ABCA2: variants seen among roughly 807,000 people sequenced by gnomAD.
ABCA2 encodes the protein ATP binding cassette subfamily A member 2, also known as ATP-binding cassette sub-family A member 2.
ABCA2 carries 84 observed loss-of-function variants against 262.8 expected under a neutral mutation model. The observed-to-expected ratio is 0.32, with a 90% CI of 0.27 to 0.38. The LOEUF is 0.38. Among genes scored for constraint, ABCA2 ranks in the 10% least tolerant of loss-of-function variants. The pLI is 1.00. For synonymous variants in ABCA2, 1,696 were observed against 1,502.9 expected (o/e 1.13, Z -2.97); for missense variants, 2,662 against 3,405.9 (o/e 0.78, Z 5.44).
chr9:137,024,090 G>T lies in ABCA2; in HGVS notation c.160+53C>A, dbSNP rs1030088107. On this transcript the variant is annotated intron_variant, in intron 2 of 48. Coordinates refer to ENST00000341511, the MANE Select transcript of ABCA2 (RefSeq NM_001606.5). ...GCAGATGTGCACACACAGCGCAGGC[G>T]TGCGAGGTGCCGCGCTCCCCCGGCT... 27 of 1,557,716 alleles carry T rather than the reference G, an allele frequency of 1.7e-5. No homozygotes were observed. In the South Asian group the frequency reaches 3.2e-4, roughly 19 times the overall value.
chr9:137,010,492 C>G (rs966264724), intron 40 of ABCA2, 121 bp from the exon 41 acceptor site: 3 of 1,447,326 alleles, frequency 2.1e-6, no homozygotes, highest in Non-Finnish European at 2.8e-6. Flanking sequence ...CACAGCCCCA[C>G]CCCATGCAGG....
At chr9:137,014,614 G>A (rs1449319439) in intron 26 of ABCA2, 76 bp downstream of exon 26, 83 of 1,541,250 alleles carry the variant, frequency 5.4e-5, no homozygotes, top group Non-Finnish European at 6.8e-5. Context: ...CCAGACACCA[G>A]GCAGGAGTGA....
At chr9:137,008,348 C>G (rs1291928428) in intron 48 of ABCA2, 68 bp downstream of exon 48, 2 of 1,529,554 alleles carry the variant, frequency 1.3e-6, no homozygotes, top group South Asian at 2.4e-5. Flanking sequence ...CCACCCGCGG[C>G]TGGAGCCACC....
At chr9:137,024,071 G>A in intron 2 of ABCA2, 72 bp downstream of exon 2, 6 of 1,532,346 alleles carry the variant, frequency 3.9e-6, no homozygotes, top group African/African-American at 1.4e-5. Context: ...GTGTGCAGAT[G>A]TGCACACACA....
rs1222285934 is a variant in ABCA2, at chr9:137,020,348, G to A, written c.1413C>T (p.Arg471=). 1.9e-6 allele frequency: 3 copies of A among 1,612,654 alleles called. No individual in the cohort carries two copies. The highest frequency in any genetic ancestry group is 1.1e-5 in the South Asian group (1 of 91,084). ...LYAPAGSEVD[R]VILKANETFA... ...CAGACCCGTGCACCTTGAGGATGAC[G>A]CGGTCGACCTCAGAGCCCGCAGGCG... The change falls in exon 10 of 49, where the codon CGC becomes CGT. Residue 471 remains arginine, a synonymous_variant. Transcript: ENST00000341511.
chr9:137,018,758 G>A lies in ABCA2; in HGVS notation c.1780C>T (p.Leu594Phe). 6.2e-7 allele frequency: 1 copy of A among 1,612,424 alleles called. No homozygotes were observed. The highest frequency in any genetic ancestry group is 8.5e-7 in the Non-Finnish European group (1 of 1,179,852). Reference protein sequence around the residue: ...PDEESIVNYTLNQAYQDNVTV... With the variant: ...PDEESIVNYTFNQAYQDNVTV... Reference sequence around the variant, plus strand: ...ACGTTGTCCTGGTAGGCCTGGTTGAGGGTGTAGTTGACAATGCTCTCCTCG... The same window carrying A: ...ACGTTGTCCTGGTAGGCCTGGTTGAAGGTGTAGTTGACAATGCTCTCCTCG... Residue 594 changes from leucine (L) to phenylalanine (F), a missense_variant, in exon 13 of 49, where the codon CTC becomes TTC. Physicochemically the swap from Leu to Phe is conservative, Grantham distance 22. Around this residue, in one of 12 missense-constraint regions of ABCA2, gnomAD observed 187 missense variants for 205.9 expected, o/e 0.91. Coordinates refer to ENST00000341511, the MANE Select transcript of ABCA2 (RefSeq NM_001606.5).
chr9:137,021,260 G>T lies in ABCA2; in HGVS notation c.897+132C>A. On this transcript the variant is annotated intron_variant, in intron 8 of 48. Coordinates refer to ENST00000341511, the MANE Select transcript of ABCA2 (RefSeq NM_001606.5). The surrounding 1 kb of genome is among the most constrained non-coding windows in gnomAD (Gnocchi z 6.0). ...GTGGGGCACCAGCCATGGTGCCATT[G>T]GATACCCACCCACAGGCAGCATCCC... 1 of 1,317,094 alleles carries T rather than the reference G, an allele frequency of 7.6e-7. No individual in the cohort carries two copies. The highest frequency in any genetic ancestry group is 1.0e-6 in the Non-Finnish European group (1 of 975,604). The allele number at this position is 1,317,094 out of a possible 1,614,324, so 81.6% of individuals were successfully genotyped here.
In ABCA2 at chr9:137,019,330, T is replaced by C. The variant is rs913223581; in HGVS notation, c.1426-24A>G. On this transcript the variant is annotated intron_variant, in intron 10 of 48. Transcript: ENST00000341511. This position sits in a 1 kb window ranked among gnomAD's most constrained non-coding sequence, Gnocchi z 4.4. ...GCCTGCAGGGGGTGAGGCAGGGGCA[T>C]GGAGTTTCTGGACGGACCCCCACCG... is the stretch of plus-strand genomic sequence containing the variant. 4 of 1,610,058 alleles carry C rather than the reference T, an allele frequency of 2.5e-6. No homozygotes were observed. Among genetic ancestry groups the C allele is most frequent in the African/African-American group, 1.3e-5 (1 of 74,762 alleles).
In ABCA2 at chr9:137,018,810, G is replaced by A. The variant is rs756198524; in HGVS notation, c.1728C>T (p.Ser576=). The A allele has an allele frequency of 8.7e-6, 14 of 1,612,572 alleles. No individual in the cohort carries two copies. The highest frequency in any genetic ancestry group is 5.5e-5 in the South Asian group (5 of 91,078). ...CGWIQFMSKV[S]VDIFKGFPDE... ...CGGGGAAGCCCTTGAAGATGTCCAC[G>A]CTCACCTAGCGGGAGGGGCATCGCT... The change falls in exon 13 of 49, where the codon AGC becomes AGT. Residue 576 remains serine (S), a synonymous_variant. Transcript: ENST00000341511.
chr9:137,023,641 T>C (rs1831552880), intron 3 of ABCA2, 197 bp downstream of exon 3: 2 of 688,848 alleles, frequency 2.9e-6, no homozygotes, highest in South Asian at 3.1e-5. Context: ...TGCCTTTAGG[T>C]GGCCGGGCCT....
intron 43 of ABCA2, 24 bp downstream of exon 43, chr9:137,009,745 A>AC: frequency 6.2e-7 from 1 of 1,604,608 alleles, no homozygotes; most frequent in South Asian, 1.1e-5. Flanking sequence ...CCAGGCAGCC[A>AC]CCCCCCACCC....
chr9:137,008,499 T>A lies in ABCA2; in HGVS notation c.7192A>T (p.Thr2398Ser). ...TCTGCCACAAGTGCCCGGAGCTCCG[T>A]GGGGGCAGACCGGGGCCGGAGCAGG... Reference protein sequence around the residue: ...LSLLRPRSAPTELRALVADEP... With the variant: ...LSLLRPRSAPSELRALVADEP... The change falls in exon 48 of 49, where the codon ACG (threonine) becomes TCG (serine). Residue 2398 changes from threonine (T) to serine (S), a missense_variant. By Grantham distance (58) the Thr-to-Ser change is moderately conservative (BLOSUM62 1). Coordinates refer to ENST00000341511, the MANE Select transcript of ABCA2 (RefSeq NM_001606.5). 6.3e-7 allele frequency: 1 copy of A among 1,580,460 alleles called. No homozygotes were observed. Among genetic ancestry groups the A allele is most frequent in the African/African-American group, 1.3e-5 (1 of 74,370 alleles).
intron 1 of ABCA2, among the ~76,000 whole-genome samples, chr9:137,025,459 T>C (rs1450201209): frequency 6.6e-6 from 1 of 152,190 alleles, no homozygotes; most frequent in Non-Finnish European, 1.5e-5. Flanking sequence ...GAGCCCCCAG[T>C]GTGCTGTGTG....
rs747761832 is a variant in ABCA2, at chr9:137,008,848, C to T, written c.6951G>A (p.Val2317=). 2 of 1,605,214 alleles carry T rather than the reference C, an allele frequency of 1.2e-6. No individual in the cohort carries two copies. The highest frequency in any genetic ancestry group is 1.7e-5 in the Admixed American group (1 of 59,962). The change falls in exon 47 of 49, where the codon GTG becomes GTA. Residue 2317 remains valine, a synonymous_variant. Transcript: ENST00000341511. ...TGTGCTCCGACTTGAGCTGGTACTG[C>T]ACCTTTGTGTGGTGCCGCTCCTGCA... The part of the protein sequence containing the change: ...AMLKERHHTK[V]QYQLKSEHIS...
Position 137,014,420 on chromosome 9 carries a change from G to A in ABCA2, c.4004-16C>T. On this transcript the variant is annotated splice_polypyrimidine_tract_variant and intron_variant, in intron 26 of 48. Coordinates refer to ENST00000341511, the MANE Select transcript of ABCA2 (RefSeq NM_001606.5). ...TCCTTCACATCTGCCGCAGTGGAAG[G>A]GCCGAGGGGACACTCAGGGCTACTG... The A allele has an allele frequency of 6.4e-7, 1 of 1,572,400 alleles. No individual in the cohort carries two copies. Among genetic ancestry groups the A allele is most frequent in the Non-Finnish European group, 8.6e-7 (1 of 1,159,734 alleles).
rs1831466422 is a variant in ABCA2 at position 137,021,931 on chromosome 9, G to T, written c.638C>A (p.Pro213His). 6.2e-7 allele frequency: 1 copy of T among 1,605,500 alleles called. No individual in the cohort carries two copies. The highest frequency in any genetic ancestry group is 8.5e-7 in the Non-Finnish European group (1 of 1,177,048). Residue 213 changes from proline (P) to histidine (H), a missense_variant, in exon 7 of 49, where the codon CCC (proline) becomes CAC (histidine). Around this residue, in one of 12 missense-constraint regions of ABCA2, gnomAD observed 403 missense variants for 375.9 expected, o/e 1.07. Transcript: ENST00000341511. The surrounding 1 kb of genome is among the most constrained non-coding windows in gnomAD (Gnocchi z 6.0). ...GGGATTGCCCCCTAGGCGGCTCCAG[G>T]GCTCCTGACCCTTGTGGAGGCCAGA... ...SQSGLHKGQEPWSRLGGNPLF... is the reference protein window; with the variant it reads ...SQSGLHKGQEHWSRLGGNPLF...
At chr9:137,028,536 C>G (rs537400457), upstream of ABCA2, among the ~76,000 whole-genome samples, 34 of 152,072 alleles carry the variant, frequency 2.2e-4, no homozygotes, top group East Asian at 2.9e-3. The surrounding 1 kb of genome is among the most constrained non-coding windows in gnomAD (Gnocchi z 6.9). Context: ...CCCTCGGGCG[C>G]TGCGCTCTTC....
Position 137,016,181 on chromosome 9 carries a change from A to G in ABCA2, c.3105-7T>C, listed in dbSNP as rs758945650. The stretch of plus-strand genomic sequence containing the variant: ...CAGGCCGGTCAGGATGGACCTGGGT[A>G]GGTGGGCGGGGTCATGACCCCACGC... On this transcript the variant is annotated splice_region_variant and splice_polypyrimidine_tract_variant and intron_variant, in intron 21 of 48. Coordinates refer to ENST00000341511, the MANE Select transcript of ABCA2 (RefSeq NM_001606.5). 1 of 1,612,442 alleles carries G rather than the reference A, an allele frequency of 6.2e-7. No homozygotes were observed. Among genetic ancestry groups the G allele is most frequent in the Non-Finnish European group, 8.5e-7 (1 of 1,179,774 alleles).
In ABCA2 at chr9:137,028,022, G is replaced by A. The variant is rs980593094; in HGVS notation, c.66+53C>T. 4.2e-6 allele frequency: 4 copies of A among 943,692 alleles called. No individual in the cohort carries two copies. The African/African-American group carries it at 5.4e-5, about 13-fold the overall frequency. The allele number at this position is 943,692 out of a possible 1,614,324, so 58.5% of individuals were successfully genotyped here. A position where few individuals can be genotyped will look rare whatever the true frequency, so the allele number is the denominator to read the frequency against. On this transcript the variant is annotated intron_variant, in intron 1 of 48. Coordinates refer to ENST00000341511, the MANE Select transcript of ABCA2 (RefSeq NM_001606.5). This position sits in a 1 kb window ranked among gnomAD's most constrained non-coding sequence, Gnocchi z 6.9. ...ACGTGCGCGCGGGGAGCGCGCCTCT[G>A]GCCGCGGTGCGCGCGGCCTCGGGCT... is the stretch of plus-strand genomic sequence containing the variant.
Sources: gnomAD v4.1 joint callset for allele counts (sites outside exome capture counted in the v4.1 genomes callset) on GRCh38, gnomAD v4.1.1 for gene constraint, gnomAD v4.1.1 regional missense constraint, Gnocchi (gnomAD v3.1) non-coding constraint, MANE v1.5 for transcripts, NCBI Gene and HGNC (gene_info 2026-07-23, HGNC 2026-07-21) for gene names.